The following IARS2 variants were observed in gnomAD, a reference collection of about 807,000 sequenced individuals.
IARS2 encodes isoleucine--tRNA ligase, mitochondrial.
IARS2 carries 56 observed loss-of-function variants against 126.3 expected under a neutral mutation model. That is an observed-to-expected ratio of 0.44 (90% CI 0.36 to 0.55). IARS2 has a LOEUF of 0.55. Ranked by LOEUF, IARS2 falls within the 20% of genes least tolerant of loss-of-function variation. The probability of loss-of-function intolerance (pLI) is 0.00; values close to 1 mark genes in which losing one functional copy is unlikely to be tolerated. For missense variants in IARS2, 1,127 were observed against 1,245.9 expected (o/e 0.90, Z 1.44); for synonymous variants, 407 against 441.1 (o/e 0.92, Z 0.97).
intron 2 of IARS2, 58 bp from the exon 3 acceptor site, chr1:220,100,432 T>C: frequency 1.5e-6 from 2 of 1,360,730 alleles, no homozygotes; most frequent in South Asian, 1.5e-5. Context: ...TTGCAGATTT[T>C]GAAATACATG....
At chr1:220,111,594 A>ATG (rs1448032043) in intron 11 of IARS2, among the ~76,000 whole-genome samples, 2 of 139,664 alleles carry the variant, frequency 1.4e-5, no homozygotes, top group East Asian at 2.2e-4. Flanking sequence ...ATATATATAT[A>ATG]TATATGTGTG....
chr1:220,136,839 A>G lies in IARS2; in HGVS notation c.1977A>G (p.Gly659=). Residue 659 remains glycine, a synonymous_variant, in exon 16 of 23, where the codon GGA becomes GGG. Coordinates refer to ENST00000366922, the MANE Select transcript of IARS2 (RefSeq NM_018060.4). ...TGATTGTTCATGGATTTACCCTTGG[A>G]GAAAAGGGAGAAAAGATGTCCAAGT... ...KTVIVHGFTL[G]EKGEKMSKSL... is the part of the protein sequence containing the mutation. The G allele has an allele frequency of 1.2e-6, 2 of 1,609,756 alleles. No homozygotes were observed. Among genetic ancestry groups the G allele is most frequent in the South Asian group, 2.2e-5 (2 of 90,786 alleles).
At chr1:220,144,530 C>G (rs1020042768) in intron 21 of IARS2, among the ~76,000 whole-genome samples, 1 of 152,034 alleles carries the variant, frequency 6.6e-6, no homozygotes, top group African/African-American at 2.4e-5. Context: ...TGAGATTTTC[C>G]CATTTTAAAA....
intron 14 of IARS2, among the ~76,000 whole-genome samples, chr1:220,133,092 C>T (rs1657302747): frequency 6.6e-6 from 1 of 151,586 alleles, no homozygotes; most frequent in Non-Finnish European, 1.5e-5. Flanking sequence ...CCCACTGTAA[C>T]CTCCACCTCC....
Position 220,102,160 on chromosome 1 carries a change from A to T in IARS2, c.582A>T (p.Lys194Asn). 6.2e-7 allele frequency: 1 copy of T among 1,606,820 alleles called. No individual in the cohort carries two copies. The highest frequency in any genetic ancestry group is 8.5e-7 in the Non-Finnish European group (1 of 1,178,528). The change falls in exon 4 of 23, where the codon AAA (lysine) becomes AAT (asparagine). Residue 194 changes from lysine (K) to asparagine (N), a missense_variant. Lys to Asn is a moderately conservative substitution (Grantham distance 94). Coordinates refer to ENST00000366922, the MANE Select transcript of IARS2 (RefSeq NM_018060.4). ...ARSFAKAAIE[K>N]QKSAFIRWGI... ...CATTTGCTAAAGCAGCCATTGAGAA[A>T]CAGAAATCAGCATTTATTCGTTGGG...
Position 220,102,120 on chromosome 1 carries a change from T to C in IARS2, c.551-9T>C. 4 of 1,591,684 alleles carry C rather than the reference T, an allele frequency of 2.5e-6. No individual in the cohort carries two copies. Among genetic ancestry groups the C allele is most frequent in the Non-Finnish European group, 3.4e-6 (4 of 1,174,502 alleles). ...GTTTTTTAAAATCTTTTTTTCGTCT[T>C]TTTTTTAGCTAGATCATTTGCTAAA... On this transcript the variant is annotated splice_polypyrimidine_tract_variant and intron_variant, in intron 3 of 22. Transcript: ENST00000366922.
chr1:220,115,406 C>A (rs1571852067), intron 12 of IARS2, among the ~76,000 whole-genome samples: 1 of 150,214 alleles, frequency 6.7e-6, no homozygotes, highest in African/African-American at 2.4e-5. Context: ...ACCGAAAATA[C>A]AAAAATTAGC....
intron 12 of IARS2, among the ~76,000 whole-genome samples, chr1:220,118,917 C>T (rs951549136): frequency 6.6e-6 from 1 of 152,016 alleles, no homozygotes; most frequent in Non-Finnish European, 1.5e-5. Context: ...ATAGAATTTC[C>T]CCTTCCAAAT....
Position 220,114,430 on chromosome 1 carries a change from T to A in IARS2, c.1596T>A (p.Ile532=). 1 of 1,614,014 alleles carries A rather than the reference T, an allele frequency of 6.2e-7. No individual in the cohort carries two copies. The highest frequency in any genetic ancestry group is 8.5e-7 in the Non-Finnish European group (1 of 1,179,910). The change falls in exon 12 of 23, where the codon ATT becomes ATA. Residue 532 remains isoleucine (I), a synonymous_variant. Transcript: ENST00000366922. Reference sequence around the variant, plus strand: ...GGCAAAGAGTTTGGGGTGTTCCAATTCCTGTGTTTCATCATAAGACCAAGG... The same window carrying A: ...GGCAAAGAGTTTGGGGTGTTCCAATACCTGTGTTTCATCATAAGACCAAGG... ...ISRQRVWGVP[I]PVFHHKTKDE... is the part of the protein sequence containing the mutation.
rs1230737018 is a variant in IARS2, at chr1:220,140,167, T to C, written c.2308-16T>C. On this transcript the variant is annotated splice_polypyrimidine_tract_variant and intron_variant, in intron 18 of 22. Coordinates refer to ENST00000366922, the MANE Select transcript of IARS2 (RefSeq NM_018060.4). The stretch of plus-strand genomic sequence containing the variant: ...CCTGTCTCAGCTTCCAAATTTATTT[T>C]GGCTTTGTTCCCTAGATTACCGAAT... 3.4e-6 allele frequency: 5 copies of C among 1,469,446 alleles called. No homozygotes were observed. Among genetic ancestry groups the C allele is most frequent in the African/African-American group, 1.4e-5 (1 of 72,054 alleles). 91.0% of individuals were successfully genotyped at this position (1,469,446 alleles called of 1,614,324 possible). A position where few individuals can be genotyped will look rare whatever the true frequency, so the allele number is the denominator to read the frequency against.
At chr1:220,144,487 T>G in intron 21 of IARS2, 1 of 481,726 alleles carries the variant, frequency 2.1e-6, no homozygotes, top group Non-Finnish European at 3.7e-6. Flanking sequence ...AAGATTAAGA[T>G]TTGAGCTTGA....
At chr1:220,116,714 C>T (rs1656920238) in intron 12 of IARS2, among the ~76,000 whole-genome samples, 2 of 151,990 alleles carry the variant, frequency 1.3e-5, no homozygotes, top group African/African-American at 4.8e-5. Flanking sequence ...TTAATACTTA[C>T]ATTAAGAATT....
rs139164000 is a variant in IARS2 at position 220,124,287 on chromosome 1, G to A, written c.1641-950G>A. Reference sequence around the variant, plus strand: ...TTTAATTTTTAAATAATTTATTACTGTATATCTTCCTAAAGATACGACCAG... The same window carrying A: ...TTTAATTTTTAAATAATTTATTACTATATATCTTCCTAAAGATACGACCAG... On this transcript the variant is annotated intron_variant, in intron 12 of 22. Transcript: ENST00000366922. Among the ~76,000 whole-genome samples the A allele has an allele frequency of 5.4e-3, 818 of 152,166 alleles. 3 individuals are homozygous for A. Among genetic ancestry groups the A allele is most frequent in the Admixed American group, 8.6e-3 (131 of 15,274 alleles).
chr1:220,102,780 G>T lies in IARS2; in HGVS notation c.950+3G>T. 1 of 1,583,544 alleles carries T rather than the reference G, an allele frequency of 6.3e-7. No homozygotes were observed. Among genetic ancestry groups the T allele is most frequent in the South Asian group, 1.1e-5 (1 of 90,402 alleles). On this transcript the variant is annotated splice_donor_region_variant and intron_variant, in intron 7 of 22. Transcript: ENST00000366922. Reference sequence around the variant, plus strand: ...GTTTGCTATATGCCTGAATCAAAGTGGGTATATTATTGCATTTTTTGTTTT... The same window carrying T: ...GTTTGCTATATGCCTGAATCAAAGTTGGTATATTATTGCATTTTTTGTTTT...
In IARS2 at chr1:220,094,206, G is replaced by A. The variant is rs764486943; in HGVS notation, c.-11G>A. The A allele has an allele frequency of 5.8e-6, 9 of 1,555,504 alleles. No individual in the cohort carries two copies. The highest frequency in any genetic ancestry group is 1.9e-5 in the Admixed American group (1 of 52,468). On this transcript the variant is annotated 5_prime_UTR_variant, in exon 1 of 23. Coordinates refer to ENST00000366922, the MANE Select transcript of IARS2 (RefSeq NM_018060.4). ...GGAGCGGAGGACCCCGCTCTCAGGG[G>A]TTGCCGGACCATGCGTTGGGGGCTG...
chr1:220,102,745 C>G lies in IARS2; in HGVS notation c.918C>G (p.Ala306=). 6.2e-7 allele frequency: 1 copy of G among 1,613,306 alleles called. No homozygotes were observed. The highest frequency in any genetic ancestry group is 8.5e-7 in the Non-Finnish European group (1 of 1,179,362). Residue 306 remains alanine, a synonymous_variant, in exon 7 of 23, where the codon GCC becomes GCG. Coordinates refer to ENST00000366922, the MANE Select transcript of IARS2 (RefSeq NM_018060.4). ...CCACACAACCTTGGACGATTCCAGC[C>G]AATGAAGCTGTTTGCTATATGCCTG... ...VWTTQPWTIP[A]NEAVCYMPES... is the part of the protein sequence containing the mutation.
rs772034605 is a variant in IARS2, at chr1:220,094,199, C to T, written c.-18C>T. ...TGGGGCGGGAGCGGAGGACCCCGCT[C>T]TCAGGGGTTGCCGGACCATGCGTTG... is the stretch of plus-strand genomic sequence containing the variant. On this transcript the variant is annotated 5_prime_UTR_variant, in exon 1 of 23. Transcript: ENST00000366922. 17 of 1,544,118 alleles carry T rather than the reference C, an allele frequency of 1.1e-5. No homozygotes were observed. Among genetic ancestry groups the T allele is most frequent in the Non-Finnish European group, 8.7e-6 (10 of 1,148,974 alleles).
At position 220,094,246 on chromosome 1, in the gene IARS2, G is replaced by A. The variant is rs1162950334; in HGVS notation, c.30G>A (p.Pro10=). The change falls in exon 1 of 23, where the codon CCG becomes CCA. Residue 10 remains proline (P), a synonymous_variant. Coordinates refer to ENST00000366922, the MANE Select transcript of IARS2 (RefSeq NM_018060.4). MRWGLRPRG[P]GAAALATARS... Reference sequence around the variant, plus strand: ...GTTGGGGGCTGCGCCCTCGCGGGCCGGGCGCGGCCGCCCTGGCCACTGCCC... The same window carrying A: ...GTTGGGGGCTGCGCCCTCGCGGGCCAGGCGCGGCCGCCCTGGCCACTGCCC... 4 of 1,596,954 alleles carry A rather than the reference G, an allele frequency of 2.5e-6. No homozygotes were observed. In the Admixed American group the frequency reaches 6.9e-5, roughly 28 times the overall value.
intron 14 of IARS2, among the ~76,000 whole-genome samples, chr1:220,131,076 G>A (rs969952313): frequency 6.6e-6 from 1 of 152,128 alleles, no homozygotes; most frequent in Non-Finnish European, 1.5e-5. Context: ...GGAGGCTTTT[G>A]TGTTTCCTTA....
Sources: gnomAD v4.1 joint callset for allele counts (sites outside exome capture counted in the v4.1 genomes callset) on GRCh38, gnomAD v4.1.1 for gene constraint, MANE v1.5 for transcripts, NCBI Gene and HGNC (gene_info 2026-07-23, HGNC 2026-07-21) for gene names.